The following LPAR1 variants were observed in gnomAD, a reference collection of about 807,000 sequenced individuals.
LPAR1 encodes LPA receptor 1.
In LPAR1, 5 loss-of-function variants were observed where a neutral mutation model predicts 23.8. The observed-to-expected ratio is 0.21, with a 90% CI of 0.11 to 0.44. The LOEUF (loss-of-function observed/expected upper bound fraction) is 0.44. Ranked by LOEUF, LPAR1 falls within the 20% of genes least tolerant of loss-of-function variation. LPAR1 has a pLI of 0.99. For missense variants in LPAR1, 311 were observed against 482.8 expected (o/e 0.64, Z 3.33); for synonymous variants, 160 against 164.7 (o/e 0.97, Z 0.22).
chr9:110,878,162 T>A (rs1295140783), intron 5 of LPAR1, among the ~76,000 whole-genome samples: 10 of 152,076 alleles, frequency 6.6e-5, no homozygotes, highest in Admixed American at 6.5e-4. Context: ...AACCACACAG[T>A]CCCAACACTC....
intron 2 of LPAR1, among the ~76,000 whole-genome samples, chr9:110,976,523 C>T (rs1380116097): frequency 6.6e-6 from 1 of 151,938 alleles, no homozygotes; most frequent in Non-Finnish European, 1.5e-5. Context: ...CTGAACTCTT[C>T]CAAGTACTTG....
intron 2 of LPAR1, among the ~76,000 whole-genome samples, chr9:111,017,732 CA>C (rs1293076446): frequency 6.6e-6 from 1 of 152,114 alleles, no homozygotes; most frequent in African/African-American, 2.4e-5. Context: ...CAGTTAAAAA[CA>C]AAGCTTGGCT....
chr9:110,894,502 A>C (rs1275668681), intron 5 of LPAR1, among the ~76,000 whole-genome samples: 1 of 152,212 alleles, frequency 6.6e-6, no homozygotes, highest in African/African-American at 2.4e-5. Flanking sequence ...GTGAATACGC[A>C]AAGGATAAGC....
At chr9:111,036,048 C>A (rs2097887532) in intron 2 of LPAR1, 74 bp downstream of exon 2, 1 of 152,152 alleles carries the variant, frequency 6.6e-6, no homozygotes, top group African/African-American at 2.4e-5. Flanking sequence ...ACAAAAAAAT[C>A]AAATCACTTT....
In LPAR1 at chr9:111,014,846, C is replaced by T. The variant is rs114385134; in HGVS notation, c.-182+21276G>A. Among the ~76,000 whole-genome samples, 779 of 152,236 alleles carry T rather than the reference C, an allele frequency of 5.1e-3. 9 individuals are homozygous for T. Among genetic ancestry groups the T allele is most frequent in the African/African-American group, 0.018 (735 of 41,560 alleles). ...CAAATTCAACATGTACCAAACTCTT[C>T]ATCCTTCCTGTTCTAGGCTAAACTG... On this transcript the variant is annotated intron_variant, in intron 2 of 5. Coordinates refer to ENST00000683809, the MANE Select transcript of LPAR1 (RefSeq NM_001351411.2).
intron 2 of LPAR1, among the ~76,000 whole-genome samples, chr9:110,986,020 A>AG (rs1320986408): frequency 6.6e-6 from 1 of 152,058 alleles, no homozygotes; most frequent in African/African-American, 2.4e-5. Flanking sequence ...TTCCACAAAG[A>AG]AGACTGAAAA....
chr9:110,942,920 C>T (rs927981602), intron 4 of LPAR1, among the ~76,000 whole-genome samples: 2 of 152,010 alleles, frequency 1.3e-5, no homozygotes, highest in South Asian at 2.1e-4. Flanking sequence ...AGATTAGATG[C>T]AGCATATTTT....
chr9:110,922,824 A>ATATTATTATTATTATTAT (rs61229734), intron 5 of LPAR1, among the ~76,000 whole-genome samples: 16 of 142,240 alleles, frequency 1.1e-4, no homozygotes, highest in South Asian at 2.3e-4. Flanking sequence ...TCTTATTATT[A>ATATTATTATTATTATTAT]TATTATTATT....
intron 5 of LPAR1, among the ~76,000 whole-genome samples, chr9:110,904,207 T>C (rs1278583609): frequency 6.6e-6 from 1 of 152,112 alleles, no homozygotes; most frequent in Non-Finnish European, 1.5e-5. Flanking sequence ...TCATGGAGCA[T>C]TAGGAAATAA....
chr9:110,975,534 C>T (rs2096536811), intron 2 of LPAR1, among the ~76,000 whole-genome samples: 1 of 152,154 alleles, frequency 6.6e-6, no homozygotes, highest in South Asian at 2.1e-4. Context: ...AGGGCCTATG[C>T]TAAGATTCAT....
Position 110,966,719 on chromosome 9 carries a change from T to A in LPAR1, c.45+5354A>T, listed in dbSNP as rs965099044. ...AATGATACACCATGAAAAATACTGA[T>A]AAAGAAGACTCTTGCCTTACTGGAA... On this transcript the variant is annotated intron_variant, in intron 4 of 5. Coordinates refer to ENST00000683809, the MANE Select transcript of LPAR1 (RefSeq NM_001351411.2). Among the ~76,000 whole-genome samples, 5 of 152,272 alleles carry A rather than the reference T, an allele frequency of 3.3e-5. No homozygotes were observed. In the South Asian group the frequency reaches 1.0e-3, roughly 32 times the overall value.
At chr9:111,020,421 C>A (rs564341940) in intron 2 of LPAR1, among the ~76,000 whole-genome samples, 1 of 152,170 alleles carries the variant, frequency 6.6e-6, no homozygotes, top group Admixed American at 6.5e-5. Flanking sequence ...GTGACTAAAC[C>A]CCTGCTTGAG....
chr9:110,931,950 T>A (rs551901724), intron 5 of LPAR1, among the ~76,000 whole-genome samples: 1 of 152,300 alleles, frequency 6.6e-6, no homozygotes, highest in Non-Finnish European at 1.5e-5. Context: ...TGAAGTCAGG[T>A]AGCATGATGC....
chr9:110,956,320 T>C (rs1167014708), intron 4 of LPAR1, among the ~76,000 whole-genome samples: 3 of 152,034 alleles, frequency 2.0e-5, no homozygotes, highest in African/African-American at 7.2e-5. Context: ...CAAACCACCA[T>C]AGCATGTGTA....
At chr9:111,021,079 T>C (rs1038851537) in intron 2 of LPAR1, among the ~76,000 whole-genome samples, 1 of 152,102 alleles carries the variant, frequency 6.6e-6, no homozygotes, top group African/African-American at 2.4e-5. Flanking sequence ...TACAAAAAAA[T>C]AATGTTGAAA....
At chr9:110,949,417 A>G (rs2095498534) in intron 4 of LPAR1, among the ~76,000 whole-genome samples, 1 of 152,196 alleles carries the variant, frequency 6.6e-6, no homozygotes, top group African/African-American at 2.4e-5. Flanking sequence ...CAAGAGTTAT[A>G]CATTGTTTCT....
chr9:110,945,033 GA>G (rs1385614512), intron 4 of LPAR1, among the ~76,000 whole-genome samples: 7 of 152,208 alleles, frequency 4.6e-5, no homozygotes, highest in African/African-American at 1.4e-4. Flanking sequence ...ATATGCCTGA[GA>G]AGAAGTGAGA....
chr9:110,964,643 C>T (rs2096131844), intron 4 of LPAR1, among the ~76,000 whole-genome samples: 1 of 143,358 alleles, frequency 7.0e-6, no homozygotes, highest in Non-Finnish European at 1.5e-5. Context: ...GTACAAAGTT[C>T]TATCCAAAAA....
chr9:110,964,125 G>A (rs1174903913), intron 4 of LPAR1, among the ~76,000 whole-genome samples: 1 of 152,140 alleles, frequency 6.6e-6, no homozygotes, highest in Non-Finnish European at 1.5e-5. Flanking sequence ...GAAGCCTTCT[G>A]TGTGTCTCAT....
Sources: gnomAD v4.1 joint callset for allele counts (sites outside exome capture counted in the v4.1 genomes callset) on GRCh38, gnomAD v4.1.1 for gene constraint, MANE v1.5 for transcripts, NCBI Gene and HGNC (gene_info 2026-07-23, HGNC 2026-07-21) for gene names.